GSE1: variants seen among roughly 807,000 people sequenced by gnomAD.
The protein encoded by GSE1 is genetic suppressor element 1.
GSE1 carries 32 observed loss-of-function variants against 112.6 expected under a neutral mutation model. The observed-to-expected ratio is 0.28, with a 90% CI of 0.21 to 0.38. The LOEUF (loss-of-function observed/expected upper bound fraction) is 0.38. GSE1 is among the 10% of genes least tolerant of loss of function. GSE1 has a pLI of 1.00. For missense variants in GSE1, 2,348 were observed against 1,699.2 expected, an observed-to-expected ratio of 1.38 and a Z score of -6.71; for synonymous variants, 1,115 against 735.6, an observed-to-expected ratio of 1.52 and a Z score of -8.35.
chr16:85,210,936 G>A (rs914622413), intron 1 of GSE1, among the ~76,000 whole-genome samples: 1 of 152,202 alleles, frequency 6.6e-6, no homozygotes, highest in Non-Finnish European at 1.5e-5. Flanking sequence ...GCCTCTCTGG[G>A]CCTCGGGTTC....
At position 85,668,366 on chromosome 16, in the gene GSE1, C is replaced by G. The variant is rs764179893; in HGVS notation, c.3357C>G (p.Pro1119=). The change falls in exon 14 of 16, where the codon CCC becomes CCG. Residue 1119 remains proline (P), a synonymous_variant. Transcript: ENST00000253458. ...DEDGEDEEEV[P]KRKWQGIEAV... ...ATGGAGAAGATGAGGAGGAAGTCCCCAAGCGCAAGTGGCAAGGGATCGAGG... is the reference window on the plus strand; with the variant it reads ...ATGGAGAAGATGAGGAGGAAGTCCCGAAGCGCAAGTGGCAAGGGATCGAGG... 1 of 1,613,288 alleles carries G rather than the reference C, an allele frequency of 6.2e-7. No homozygotes were observed. The highest frequency in any genetic ancestry group is 8.5e-7 in the Non-Finnish European group (1 of 1,179,788).
intron 2 of GSE1, among the ~76,000 whole-genome samples, chr16:85,476,728 C>G (rs149945255): frequency 9.9e-4 from 150 of 151,886 alleles, no homozygotes; most frequent in Admixed American, 3.8e-3. Context: ...CCCACCGCAG[C>G]CTCCCCAGTA....
chr16:85,264,291 T>C (rs769467003), intron 1 of GSE1, among the ~76,000 whole-genome samples: 3 of 152,062 alleles, frequency 2.0e-5, no homozygotes, highest in Non-Finnish European at 4.4e-5. Context: ...CCCACATCCC[T>C]AGCTTAATAG....
At chr16:85,594,249 A>AGGGGG (rs2047126556) in intron 1 of GSE1, 1 of 8,948 alleles carries the variant, frequency 1.1e-4, no homozygotes, top group Non-Finnish European at 2.4e-4. Context: ...GGGGGGGCGG[A>AGGGGG]GGGGACAGGC....
chr16:85,280,665 G>A (rs774511920), intron 1 of GSE1, among the ~76,000 whole-genome samples: 4 of 152,158 alleles, frequency 2.6e-5, no homozygotes, highest in Non-Finnish European at 5.9e-5. Context: ...CAAAGTGCTG[G>A]GATTACAGGC....
At chr16:85,220,449 A>C (rs1347171366) in intron 1 of GSE1, among the ~76,000 whole-genome samples, 3 of 152,244 alleles carry the variant, frequency 2.0e-5, no homozygotes, top group African/African-American at 7.2e-5. Flanking sequence ...TTTTAAAATC[A>C]AGCAGATGGC....
rs1183931512 is a variant in GSE1 at position 85,417,760 on chromosome 16, G to A, written c.2464+60117G>A. ...AGGGCATCAGCATCCGTCGCAGGAC[G>A]TGTTACAGTCCTGAATGCTGGGCTG... is the stretch of plus-strand genomic sequence containing the variant. On this transcript the variant is annotated intron_variant, in intron 2 of 2. Coordinates refer to the GSE1 transcript ENST00000637419. 3.3e-5 allele frequency among the ~76,000 whole-genome samples: 5 copies of A among 152,378 alleles called. No homozygotes were observed. The East Asian group carries it at 7.7e-4, about 23-fold the overall frequency.
At chr16:85,255,556 C>T (rs58656043) in intron 1 of GSE1, among the ~76,000 whole-genome samples, 11,538 of 152,016 alleles carry the variant, frequency 0.076, 474 homozygotes, top group Admixed American at 0.093. Context: ...GGATTACAGG[C>T]GCCCACCACC....
chr16:85,210,565 G>A (rs1192011732), intron 1 of GSE1, among the ~76,000 whole-genome samples: 1 of 152,116 alleles, frequency 6.6e-6, no homozygotes, highest in Non-Finnish European at 1.5e-5. Context: ...CTCCAGCCTG[G>A]GCAACAGAGT....
chr16:85,421,715 G>A (rs1552266), intron 2 of GSE1, among the ~76,000 whole-genome samples: 99 of 151,766 alleles, frequency 6.5e-4, no homozygotes, highest in African/African-American at 2.3e-3. Flanking sequence ...CCCTTCCCTC[G>A]GGGAACCAAG....
chr16:85,661,599 C>A lies in GSE1; in HGVS notation c.2094C>A (p.Thr698=), dbSNP rs1282058428. The A allele has an allele frequency of 1.2e-6, 2 of 1,610,570 alleles. No homozygotes were observed. The highest frequency in any genetic ancestry group is 1.7e-6 in the Non-Finnish European group (2 of 1,179,174). The change falls in exon 9 of 16, where the codon ACC becomes ACA. Residue 698 remains threonine, a synonymous_variant. Transcript: ENST00000253458. ...QQRASLPQAA[T]FGELSGPLKP... Reference sequence around the variant, plus strand: ...GGGCCTCCCTCCCACAGGCGGCCACCTTCGGGGAGCTCAGCGGACCCCTGA... The same window carrying A: ...GGGCCTCCCTCCCACAGGCGGCCACATTCGGGGAGCTCAGCGGACCCCTGA...
intron 2 of GSE1, among the ~76,000 whole-genome samples, chr16:85,462,374 G>A (rs112154123): frequency 6.6e-6 from 1 of 151,944 alleles, no homozygotes; most frequent in Non-Finnish European, 1.5e-5. Context: ...CCCTCAGCTT[G>A]TTGGTTGGTT....
At chr16:85,561,601 G>A (rs898642060) in intron 1 of GSE1, among the ~76,000 whole-genome samples, 2 of 152,230 alleles carry the variant, frequency 1.3e-5, no homozygotes, top group Non-Finnish European at 2.9e-5. Context: ...AGAGAGAGCT[G>A]GGGCTTGGCC....
intron 2 of GSE1, among the ~76,000 whole-genome samples, chr16:85,472,650 T>A (rs149893306): frequency 2.0e-5 from 3 of 152,256 alleles, no homozygotes; most frequent in Non-Finnish European, 2.9e-5. Context: ...GGACCCGGTC[T>A]GGCCTCCCCC....
chr16:85,188,855 A>T (rs1343751029), intron 1 of GSE1, among the ~76,000 whole-genome samples: 1 of 151,952 alleles, frequency 6.6e-6, no homozygotes, highest in African/African-American at 2.4e-5. Context: ...ACAAAGATCC[A>T]TCATCCTCAT....
At chr16:85,230,317 C>G (rs1351716815) in intron 1 of GSE1, among the ~76,000 whole-genome samples, 2 of 152,206 alleles carry the variant, frequency 1.3e-5, no homozygotes, top group African/African-American at 2.4e-5. Context: ...TGTGTGTCCT[C>G]TGGCTCAGGG....
At chr16:85,338,239 A>G (rs2046547484) in intron 1 of GSE1, among the ~76,000 whole-genome samples, 1 of 152,194 alleles carries the variant, frequency 6.6e-6, no homozygotes, top group Non-Finnish European at 1.5e-5. Flanking sequence ...CAGCATCTCC[A>G]GATGCGCCTT....
intron 1 of GSE1, among the ~76,000 whole-genome samples, chr16:85,355,322 C>T (rs1016114828): frequency 1.3e-5 from 2 of 152,210 alleles, no homozygotes; most frequent in African/African-American, 4.8e-5. Context: ...TCACCAACCC[C>T]CACGACAGGG....
chr16:85,534,811 C>T (rs1300927420), intron 2 of GSE1, among the ~76,000 whole-genome samples: 1 of 152,168 alleles, frequency 6.6e-6, no homozygotes, highest in Non-Finnish European at 1.5e-5. Flanking sequence ...CGTCCGTCAG[C>T]GTTGCTGCGT....
Sources: gnomAD v4.1 joint callset for allele counts (sites outside exome capture counted in the v4.1 genomes callset) on GRCh38, gnomAD v4.1.1 for gene constraint, MANE v1.5 for transcripts, NCBI Gene and HGNC (gene_info 2026-07-23, HGNC 2026-07-21) for gene names.